The following CACNA2D1 variants were observed in gnomAD, a reference collection of about 807,000 sequenced individuals.
CACNA2D1 encodes the protein voltage-dependent calcium channel subunit alpha-2/delta-1.
A neutral mutation model predicts 171.5 loss-of-function variants in CACNA2D1; 53 were observed. The observed-to-expected ratio is 0.31, with a 90% confidence interval of 0.25 to 0.39. The LOEUF (loss-of-function observed/expected upper bound fraction) is 0.39. Among genes scored for constraint, CACNA2D1 ranks in the 10% least tolerant of loss-of-function variants. The pLI, the probability that CACNA2D1 is intolerant of heterozygous loss-of-function variation, is 1.00. For synonymous variants in CACNA2D1, 442 were observed against 443.1 expected (o/e 1.00, Z 0.03); for missense variants, 903 against 1,299.8 (o/e 0.69, Z 4.69).
intron 3 of CACNA2D1, among the ~76,000 whole-genome samples, chr7:82,227,465 A>T (rs557513005): frequency 6.6e-6 from 1 of 152,256 alleles, no homozygotes; most frequent in South Asian, 2.1e-4. Context: ...ATTAGTGATT[A>T]GTTTAGGAAG....
intron 5 of CACNA2D1, among the ~76,000 whole-genome samples, chr7:82,123,683 A>G (rs1240602327): frequency 6.6e-6 from 1 of 152,194 alleles, no homozygotes; most frequent in Non-Finnish European, 1.5e-5. Flanking sequence ...CCCTACTCTG[A>G]CAAATCCAAA....
intron 3 of CACNA2D1, among the ~76,000 whole-genome samples, chr7:82,247,118 G>A (rs887983467): frequency 3.9e-5 from 6 of 152,092 alleles, no homozygotes; most frequent in African/African-American, 1.4e-4. Flanking sequence ...ATGAAGTGGG[G>A]AAATACAATT....
At chr7:82,399,813 A>T (rs1826161344) in intron 1 of CACNA2D1, among the ~76,000 whole-genome samples, 1 of 151,488 alleles carries the variant, frequency 6.6e-6, no homozygotes, top group Non-Finnish European at 1.5e-5. Flanking sequence ...ACTGCAACTG[A>T]CCCCTACCTT....
At chr7:82,238,234 T>C (rs1454166385) in intron 3 of CACNA2D1, among the ~76,000 whole-genome samples, 2 of 152,066 alleles carry the variant, frequency 1.3e-5, no homozygotes, top group African/African-American at 2.4e-5. Flanking sequence ...TCTCATGCTA[T>C]CACTAGCGAG....
At chr7:82,169,297 C>T (rs925909309) in intron 4 of CACNA2D1, among the ~76,000 whole-genome samples, 2 of 151,822 alleles carry the variant, frequency 1.3e-5, no homozygotes, top group African/African-American at 4.8e-5. Flanking sequence ...GCAAATTGAT[C>T]TTTATTAACC....
intron 3 of CACNA2D1, among the ~76,000 whole-genome samples, chr7:82,279,852 A>C (rs1809856506): frequency 6.6e-6 from 1 of 152,170 alleles, no homozygotes. Flanking sequence ...AAATGTAATT[A>C]GATTGTGTCT....
intron 3 of CACNA2D1, among the ~76,000 whole-genome samples, chr7:82,326,863 C>A (rs1816708086): frequency 9.2e-6 from 1 of 108,648 alleles, no homozygotes; most frequent in Admixed American, 9.3e-5. Flanking sequence ...CTACCATTGA[C>A]TATTCTCAAA....
chr7:82,145,299 AAATT>A (rs2129095699), intron 4 of CACNA2D1, among the ~76,000 whole-genome samples: 1 of 145,410 alleles, frequency 6.9e-6, no homozygotes, highest in East Asian at 2.0e-4. Flanking sequence ...AAAAATATAT[AAATT>A]ATGTAAAATA....
rs1021370066 is a variant in CACNA2D1 at position 81,991,245 on chromosome 7, C to T, written c.1736G>A (p.Arg579Lys). The change falls in exon 21 of 39, where the codon AGA becomes AAA. Residue 579 changes from arginine (R) to lysine (K), a missense_variant and splice_region_variant. This residue lies in a region of CACNA2D1 where 623 missense variants were observed against 925.5 expected (regional missense o/e 0.67). Coordinates refer to ENST00000356860, the MANE Select transcript of CACNA2D1 (RefSeq NM_000722.4). ...FRTLVKSQDE[R>K]YIDKGNRTYT... ...TGTCCTGTTTCCTTTGTCAATATATCTCTAGAAAGAAGTTTAACGTGGTTA... is the reference window on the plus strand; with the variant it reads ...TGTCCTGTTTCCTTTGTCAATATATTTCTAGAAAGAAGTTTAACGTGGTTA... 9.4e-6 allele frequency: 14 copies of T among 1,484,208 alleles called. No homozygotes were observed. The highest frequency in any genetic ancestry group is 1.2e-5 in the Non-Finnish European group (13 of 1,062,154). The allele number at this position is 1,484,208 out of a possible 1,614,324, so 91.9% of individuals were successfully genotyped here.
At chr7:82,240,160 T>A (rs1052228811) in intron 3 of CACNA2D1, among the ~76,000 whole-genome samples, 1 of 152,156 alleles carries the variant, frequency 6.6e-6, no homozygotes, top group Non-Finnish European at 1.5e-5. Context: ...CACCCACGTT[T>A]AAACCCCATC....
At chr7:82,257,553 A>G (rs1229665061) in intron 3 of CACNA2D1, among the ~76,000 whole-genome samples, 2 of 152,244 alleles carry the variant, frequency 1.3e-5, no homozygotes, top group African/African-American at 4.8e-5. Context: ...ATGAGATCAC[A>G]ATAAAGAAAT....
chr7:82,380,099 C>T (rs1287096583), intron 1 of CACNA2D1, among the ~76,000 whole-genome samples: 1 of 152,108 alleles, frequency 6.6e-6, no homozygotes, highest in Non-Finnish European at 1.5e-5. Flanking sequence ...CATTTACATT[C>T]TATTTTCAAA....
At chr7:82,348,726 C>T (rs1819533742) in intron 2 of CACNA2D1, among the ~76,000 whole-genome samples, 1 of 152,028 alleles carries the variant, frequency 6.6e-6, no homozygotes, top group African/African-American at 2.4e-5. Context: ...AAAAGTCATG[C>T]TATATATGAA....
At chr7:81,965,703 AAGGTT>A in intron 31 of CACNA2D1, 38 bp from the exon 32 acceptor site, 1 of 1,265,478 alleles carries the variant, frequency 7.9e-7, no homozygotes, top group Non-Finnish European at 1.2e-6. Context: ...CATTTTTAGA[AAGGTT>A]AGGAGGCTGC....
intron 3 of CACNA2D1, among the ~76,000 whole-genome samples, chr7:82,240,886 G>T (rs1483753835): frequency 6.6e-6 from 1 of 151,758 alleles, no homozygotes; most frequent in African/African-American, 2.4e-5. Context: ...AGAATCACTT[G>T]AACCCGAGAG....
At chr7:82,375,939 G>C (rs1822972045) in intron 1 of CACNA2D1, among the ~76,000 whole-genome samples, 1 of 152,102 alleles carries the variant, frequency 6.6e-6, no homozygotes, top group Non-Finnish European at 1.5e-5. Flanking sequence ...AGTAAAACAA[G>C]ACCACGTGTC....
intron 29 of CACNA2D1, among the ~76,000 whole-genome samples, chr7:81,968,163 T>C (rs1359223577): frequency 6.6e-6 from 1 of 151,440 alleles, no homozygotes; most frequent in Non-Finnish European, 1.5e-5. Context: ...GAGTAAGTGA[T>C]GGAGTGAATT....
At chr7:82,172,616 C>CTTTTTTTTTT (rs55737158) in intron 3 of CACNA2D1, among the ~76,000 whole-genome samples, 3 of 64,510 alleles carry the variant, frequency 4.7e-5, no homozygotes, top group African/African-American at 2.3e-4. Context: ...AGAAACCCGG[C>CTTTTTTTTTT]TTTTTTTTTT....
At chr7:82,296,925 T>C (rs1812353477) in intron 3 of CACNA2D1, among the ~76,000 whole-genome samples, 2 of 151,796 alleles carry the variant, frequency 1.3e-5, no homozygotes, top group South Asian at 4.2e-4. Context: ...TAGGATACTA[T>C]TATTTCTCAT....
Sources: gnomAD v4.1 joint callset for allele counts (sites outside exome capture counted in the v4.1 genomes callset) on GRCh38, gnomAD v4.1.1 for gene constraint, gnomAD v4.1.1 regional missense constraint, MANE v1.5 for transcripts, NCBI Gene and HGNC (gene_info 2026-07-23, HGNC 2026-07-21) for gene names.